The following ENTREP1 variants were observed in gnomAD, a reference collection of about 807,000 sequenced individuals.
The protein encoded by ENTREP1 is endosomal transmembrane epsin interactor 1.
chr9:69,337,446 A>G, the ENTREP1 span, among the ~76,000 whole-genome samples: 1 of 152,200 alleles, frequency 6.6e-6, no homozygotes, highest in East Asian at 1.9e-4. Context: ...CATAAATATT[A>G]TATTCTCTTG....
chr9:69,377,651 G>A, the ENTREP1 span: 1 of 1,614,104 alleles, frequency 6.2e-7, no homozygotes, highest in South Asian at 1.1e-5. Context: ...GAGGATCATG[G>A]ACGCATCCCC....
chr9:69,325,819 T>G, the ENTREP1 span: 1 of 1,208,298 alleles, frequency 8.3e-7, no homozygotes, highest in Non-Finnish European at 1.0e-6. Flanking sequence ...CCTCCAGGGC[T>G]GCAGTTGGGG....
At chr9:69,339,699 G>C in the ENTREP1 span, among the ~76,000 whole-genome samples, 1 of 152,278 alleles carries the variant, frequency 6.6e-6, no homozygotes, top group South Asian at 2.1e-4. Flanking sequence ...GCTGATTAGA[G>C]TTCTGTCCCC....
Sources: allele counts gnomAD v4.1 joint callset (sites outside exome capture counted in the v4.1 genomes callset), GRCh38; gene constraint gnomAD v4.1.1; transcripts MANE v1.5; gene names NCBI Gene and HGNC (gene_info 2026-07-23, HGNC 2026-07-21).